RIBC2: variants seen among roughly 807,000 people sequenced by gnomAD.
RIBC2 encodes the protein RIB43A-like with coiled-coils protein 2.
Under a neutral mutation model 44.3 loss-of-function variants are expected in RIBC2, and 40 were observed. That is an observed-to-expected ratio of 0.90 (90% CI 0.70 to 1.18). RIBC2 has a LOEUF of 1.18. Among genes scored for constraint, RIBC2 ranks in the 50% most tolerant of loss-of-function variants. The pLI is 0.00. For synonymous variants in RIBC2, 171 were observed against 175.0 expected (o/e 0.98, Z 0.18); for missense variants, 459 against 485.5 (o/e 0.95, Z 0.51).
intron 4 of RIBC2, among the ~76,000 whole-genome samples, chr22:45,425,431 G>A (rs2087525042): frequency 6.6e-6 from 1 of 152,172 alleles, no homozygotes; most frequent in African/African-American, 2.4e-5. Flanking sequence ...CTTGGTATAG[G>A]CCACATAGCC....
In RIBC2 at chr22:45,426,755, G is replaced by C. The variant is rs1273291452; in HGVS notation, c.903+580G>C. Among the ~76,000 whole-genome samples, 4 of 152,196 alleles carry C rather than the reference G, an allele frequency of 2.6e-5. No homozygotes were observed. The East Asian group carries it at 7.7e-4, about 29-fold the overall frequency. ...CCTGGATTGAGGGCAGACACTAGGGGCTGAGGGGGAAGGAAGGAGATCTCC... is the reference window on the plus strand; with the variant it reads ...CCTGGATTGAGGGCAGACACTAGGGCCTGAGGGGGAAGGAAGGAGATCTCC... On this transcript the variant is annotated intron_variant, in intron 5 of 6. Transcript: ENST00000614167.
chr22:45,431,616 T>G (rs1415803276), intron 6 of RIBC2, among the ~76,000 whole-genome samples: 1 of 152,150 alleles, frequency 6.6e-6, no homozygotes, highest in African/African-American at 2.4e-5. Context: ...CAATCCGATA[T>G]CTGGTTGCTT....
In RIBC2 at chr22:45,413,805, G is replaced by C. The variant is rs769915854; in HGVS notation, c.-82G>C. 1.7e-5 allele frequency: 25 copies of C among 1,468,304 alleles called. No homozygotes were observed. In the Admixed American group the frequency reaches 2.3e-4, roughly 13 times the overall value. The allele number at this position is 1,468,304 out of a possible 1,614,324, so 91.0% of individuals were successfully genotyped here. A position where few individuals can be genotyped will look rare whatever the true frequency, so the allele number is the denominator to read the frequency against. On this transcript the variant is annotated 5_prime_UTR_variant, in exon 1 of 7. Transcript: ENST00000614167. ...TTTCCCCTGCCCGACCGAAGGAGCCGACCTTGCCTGCGCTACAGCTTCCTT... is the reference window on the plus strand; with the variant it reads ...TTTCCCCTGCCCGACCGAAGGAGCCCACCTTGCCTGCGCTACAGCTTCCTT...
At chr22:45,424,749 T>C (rs1361229800) in intron 4 of RIBC2, among the ~76,000 whole-genome samples, 1 of 131,528 alleles carries the variant, frequency 7.6e-6, no homozygotes, top group East Asian at 2.3e-4. Context: ...CACATTTCTT[T>C]TTTCTTTTTT....
At chr22:45,423,185 G>A (rs1256882946) in intron 4 of RIBC2, among the ~76,000 whole-genome samples, 1 of 152,022 alleles carries the variant, frequency 6.6e-6, no homozygotes, top group Non-Finnish European at 1.5e-5. Flanking sequence ...GTTTTGCCAT[G>A]TTGCCCAGGC....
chr22:45,428,298 C>T (rs976223964), intron 5 of RIBC2, among the ~76,000 whole-genome samples: 71 of 152,210 alleles, frequency 4.7e-4, no homozygotes, highest in African/African-American at 1.7e-3. Flanking sequence ...GCAGACAGCA[C>T]TTACAAGGCG....
intron 6 of RIBC2, among the ~76,000 whole-genome samples, chr22:45,431,708 G>A (rs891155169): frequency 1.3e-5 from 2 of 152,164 alleles, no homozygotes; most frequent in Non-Finnish European, 2.9e-5. Flanking sequence ...GGTGGCTCAC[G>A]CCTGTAATCC....
chr22:45,420,360 C>A (rs2087466285), intron 3 of RIBC2, among the ~76,000 whole-genome samples: 1 of 152,234 alleles, frequency 6.6e-6, no homozygotes, highest in Admixed American at 6.5e-5. Flanking sequence ...CTTCCCCTGA[C>A]CCCCCTATTT....
intron 2 of RIBC2, among the ~76,000 whole-genome samples, chr22:45,416,983 C>G (rs2087431387): frequency 6.7e-6 from 1 of 149,172 alleles, no homozygotes; most frequent in Non-Finnish European, 1.5e-5. Context: ...CTCGTAGCAA[C>G]CTCTGCCTCC....
chr22:45,422,423 C>A lies in RIBC2; in HGVS notation c.675+15C>A, dbSNP rs373437464. The A allele has an allele frequency of 1.9e-6, 3 of 1,577,372 alleles. No individual in the cohort carries two copies. The highest frequency in any genetic ancestry group is 2.2e-5 in the South Asian group (2 of 90,388). On this transcript the variant is annotated intron_variant, in intron 4 of 6. Coordinates refer to ENST00000614167, the MANE Select transcript of RIBC2 (RefSeq NM_015653.5). ...ACAAGAGCCAGGTATAGGTACTCCG[C>A]GACCTCGGGCTCGACGACTGGAGGG...
rs558570292 is a variant in RIBC2 at position 45,431,664 on chromosome 22, AAGG to A, written c.1070+601_1070+603del. 1.9e-3 allele frequency among the ~76,000 whole-genome samples: 285 copies of A among 152,228 alleles called. 3 individuals carry two copies. Among genetic ancestry groups the A allele is most frequent in the African/African-American group, 6.7e-3 (277 of 41,544 alleles). ...GTTATCACTTCTGCTGAAGGCCTAA[AAGG>A]AGCATTAAGAGTGATCTGAGGGCTG... On this transcript the variant is annotated intron_variant, in intron 6 of 6. Transcript: ENST00000614167.
At chr22:45,428,996 G>A (rs551780572) in intron 5 of RIBC2, among the ~76,000 whole-genome samples, 37 of 152,344 alleles carry the variant, frequency 2.4e-4, no homozygotes, top group Non-Finnish European at 2.8e-4. Context: ...GACGAACCAG[G>A]GGGCCAGAGA....
Position 45,417,943 on chromosome 22 carries a change from G to T in RIBC2, c.553G>T (p.Ala185Ser), listed in dbSNP as rs142403875. ...WKNARAEQKC[A>S]EALYTETRLQ... ...GAACGCCCGTGCTGAACAAAAATGC[G>T]CAGGTAATGAAACAGAAGAGACGAG... The change falls in exon 3 of 7, where the codon GCA (alanine) becomes TCA (serine). Residue 185 changes from alanine to serine, a missense_variant. Physicochemically the swap from Ala to Ser is moderately conservative, Grantham distance 99. Coordinates refer to ENST00000614167, the MANE Select transcript of RIBC2 (RefSeq NM_015653.5). 3.1e-6 allele frequency: 5 copies of T among 1,591,838 alleles called. No homozygotes were observed. The South Asian group carries it at 3.4e-5, about 11-fold the overall frequency.
At chr22:45,415,291 A>G (rs959509404) in intron 2 of RIBC2, among the ~76,000 whole-genome samples, 6 of 152,098 alleles carry the variant, frequency 3.9e-5, no homozygotes, top group East Asian at 1.9e-4. Context: ...TGTACATACA[A>G]TGGGCTGTTA....
chr22:45,415,989 C>T (rs2087421519), intron 2 of RIBC2, among the ~76,000 whole-genome samples: 3 of 152,284 alleles, frequency 2.0e-5, no homozygotes, highest in Non-Finnish European at 2.9e-5. Context: ...CATGAGCCAC[C>T]AGGCCCAGCC....
chr22:45,422,252 T>G, intron 3 of RIBC2, 38 bp from the exon 4 acceptor site: 1 of 1,501,374 alleles, frequency 6.7e-7, no homozygotes, highest in South Asian at 1.1e-5. Flanking sequence ...GGTGCTCCTG[T>G]GGCCAGGTCG....
rs575015998 is a variant in RIBC2, at chr22:45,425,737, C to T, written c.676-211C>T. On this transcript the variant is annotated intron_variant, in intron 4 of 6. Transcript: ENST00000614167. ...ATACACCCAACAGGTGGTGATCCCC[C>T]GAGTCCAGCCCACCCGCCCAGCAGT... 5.3e-5 allele frequency among the ~76,000 whole-genome samples: 8 copies of T among 152,260 alleles called. No homozygotes were observed. In the South Asian group the frequency reaches 1.0e-3, roughly 20 times the overall value.
At chr22:45,429,126 T>C (rs2087557490) in intron 5 of RIBC2, among the ~76,000 whole-genome samples, 1 of 152,128 alleles carries the variant, frequency 6.6e-6, no homozygotes, top group African/African-American at 2.4e-5. Flanking sequence ...AGACTGTTAT[T>C]GGTAATGACA....
chr22:45,415,697 C>T (rs973386811), intron 2 of RIBC2, among the ~76,000 whole-genome samples: 4 of 151,576 alleles, frequency 2.6e-5, no homozygotes, highest in Admixed American at 2.0e-4. Flanking sequence ...CATTCCCATG[C>T]TTTTTTTTCT....
Sources: gnomAD v4.1 joint callset for allele counts (sites outside exome capture counted in the v4.1 genomes callset) on GRCh38, gnomAD v4.1.1 for gene constraint, MANE v1.5 for transcripts, NCBI Gene and HGNC (gene_info 2026-07-23, HGNC 2026-07-21) for gene names.